Variants in BPTF observed in about 807,000 individuals in gnomAD.
The protein encoded by BPTF is nucleosome-remodeling factor subunit BPTF.
In BPTF, 18 loss-of-function variants were observed where a neutral mutation model predicts 292.5. The ratio of observed to expected loss-of-function variants is 0.06; its 90% CI spans 0.04 to 0.09. BPTF has a LOEUF of 0.09. BPTF is among the 10% of genes least tolerant of loss of function. The pLI, the probability that BPTF is intolerant of heterozygous loss-of-function variation, is 1.00. For synonymous variants in BPTF, 1,225 were observed against 1,251.9 expected (o/e 0.98, Z 0.45); for missense variants, 2,726 against 3,498.7 (o/e 0.78, Z 5.57).
chr17:67,843,094 A>C (rs8073510), intron 1 of BPTF, among the ~76,000 whole-genome samples: 1 of 150,424 alleles, frequency 6.6e-6, no homozygotes, highest in Non-Finnish European at 1.5e-5. Context: ...GTAGATACAT[A>C]TATCTATATA....
chr17:67,855,690 T>C (rs1329123350), intron 2 of BPTF, among the ~76,000 whole-genome samples: 2 of 152,184 alleles, frequency 1.3e-5, no homozygotes, highest in African/African-American at 2.4e-5. Context: ...ACTGAGTATC[T>C]GACATCCTGT....
At chr17:67,886,294 T>A in intron 4 of BPTF, 1 of 1,612,874 alleles carries the variant, frequency 6.2e-7, no homozygotes, top group Non-Finnish European at 8.5e-7. Flanking sequence ...CTCATACACC[T>A]GTCTCTATTC....
At chr17:67,942,420 A>G (rs1555672390) in intron 19 of BPTF, among the ~76,000 whole-genome samples, 2 of 152,260 alleles carry the variant, frequency 1.3e-5, no homozygotes, top group Non-Finnish European at 2.9e-5. Flanking sequence ...TGAGAGAAGT[A>G]CATATTAAAA....
chr17:67,867,148 G>C (rs754562454), intron 3 of BPTF, among the ~76,000 whole-genome samples: 18 of 152,264 alleles, frequency 1.2e-4, no homozygotes, highest in Non-Finnish European at 2.6e-4. Flanking sequence ...TTTCCCAAGA[G>C]AACCTTGTTC....
At chr17:67,934,543 A>G (rs567370452) in intron 18 of BPTF, among the ~76,000 whole-genome samples, 2 of 151,790 alleles carry the variant, frequency 1.3e-5, no homozygotes, top group Admixed American at 1.3e-4. Context: ...AAAGAAAAAG[A>G]TATTAGATAT....
chr17:67,936,995 T>C (rs1472439171), intron 18 of BPTF, among the ~76,000 whole-genome samples: 3 of 152,152 alleles, frequency 2.0e-5, no homozygotes, highest in Admixed American at 2.0e-4. Context: ...CAGATGCTGT[T>C]CCAGGCCCAA....
chr17:67,962,186 A>G (rs1397726978), intron 24 of BPTF, among the ~76,000 whole-genome samples: 2 of 152,164 alleles, frequency 1.3e-5, no homozygotes, highest in Non-Finnish European at 2.9e-5. Context: ...ACATAACCAT[A>G]TATTATTCCT....
chr17:67,949,839 C>T (rs767578126), intron 23 of BPTF, among the ~76,000 whole-genome samples: 8 of 150,476 alleles, frequency 5.3e-5, no homozygotes, highest in Non-Finnish European at 1.0e-4. Context: ...AGGTGGATCA[C>T]CTGAGGTCAG....
intron 27 of BPTF, chr17:67,981,581 G>C: frequency 6.6e-6 from 7 of 1,056,778 alleles, no homozygotes; most frequent in African/African-American, 3.4e-5. Context: ...TAATGTTAAA[G>C]ATGTATCGTG....
chr17:67,893,537 C>G lies in BPTF; in HGVS notation c.2223C>G (p.His741Gln), dbSNP rs752703236. ...TNSFALNKHQHREDHDKRRHL... is the reference protein window; with the variant it reads ...TNSFALNKHQQREDHDKRRHL... ...CATTTGCTTTGAATAAGCACCAGCA[C>G]AGAGAAGACCATGATAAGAGAAGGC... is the stretch of plus-strand genomic sequence containing the variant. The change falls in exon 6 of 28, where the codon CAC becomes CAG. Residue 741 changes from histidine (H) to glutamine (Q), a missense_variant. Physicochemically the swap from His to Gln is conservative, Grantham distance 24 (BLOSUM62 0). Around this residue, in one of 22 missense-constraint regions of BPTF, gnomAD observed 99 missense variants for 227.1 expected, o/e 0.44. Transcript: ENST00000306378. The G allele has an allele frequency of 2.5e-6, 4 of 1,614,000 alleles. No homozygotes were observed. In the East Asian group the frequency reaches 8.9e-5, roughly 36 times the overall value.
In BPTF at chr17:67,894,128, A is replaced by G; in HGVS notation, c.2506A>G (p.Met836Val). Residue 836 changes from methionine to valine, a missense_variant, in exon 7 of 28, where the codon ATG (methionine) becomes GTG (valine). Coordinates refer to ENST00000306378, the MANE Select transcript of BPTF (RefSeq NM_182641.4). The part of the protein sequence containing the change: ...ILECAVKPVV[M>V]LPIWRESLGH... ...GGAGTGTGCAGTTAAACCAGTTGTG[A>G]TGCTACCAATATGGCGAGAATCTTT... The G allele has an allele frequency of 6.2e-7, 1 of 1,614,152 alleles. No individual in the cohort carries two copies. Among genetic ancestry groups the G allele is most frequent in the Non-Finnish European group, 8.5e-7 (1 of 1,179,980 alleles).
intron 11 of BPTF, among the ~76,000 whole-genome samples, chr17:67,916,225 A>G (rs2062977445): frequency 6.6e-6 from 1 of 152,164 alleles, no homozygotes; most frequent in African/African-American, 2.4e-5. Flanking sequence ...TGGATATGGG[A>G]AGTTAAGAAG....
At chr17:67,856,163 C>A (rs1401013085) in intron 2 of BPTF, among the ~76,000 whole-genome samples, 3 of 152,106 alleles carry the variant, frequency 2.0e-5, no homozygotes, top group African/African-American at 4.8e-5. Flanking sequence ...CAGTTTTCCT[C>A]TTTGTCTCTT....
intron 4 of BPTF, among the ~76,000 whole-genome samples, chr17:67,879,071 A>G (rs371346557): frequency 7.6e-6 from 1 of 132,350 alleles, no homozygotes; most frequent in East Asian, 2.8e-4. Context: ...AGTATCAGGA[A>G]TATTTTGGCC....
intron 27 of BPTF, among the ~76,000 whole-genome samples, chr17:67,978,512 C>T: frequency 6.6e-6 from 1 of 150,786 alleles, no homozygotes. Context: ...TTGACCAAGC[C>T]GGTCTCAAAC....
rs6504552 is a variant in BPTF, at chr17:67,910,809, A to T, written c.2993-68A>T. 0.033 allele frequency: 34,043 copies of T among 1,036,896 alleles called. 4,103 individuals are homozygous for T. In the African/African-American group the frequency reaches 0.42, roughly 13 times the overall value. The allele number at this position is 1,036,896 out of a possible 1,614,324, so 64.2% of individuals were successfully genotyped here. The stretch of plus-strand genomic sequence containing the variant: ...AGTGAGACTCCATCTCAAAAAAAAA[A>T]ATATATATATATAAATTCCTCCTTT... On this transcript the variant is annotated intron_variant, in intron 10 of 27. Transcript: ENST00000306378.
In BPTF at chr17:67,940,532, A is replaced by G; in HGVS notation, c.6353A>G (p.Gln2118Arg). The change falls in exon 19 of 28, where the codon CAG becomes CGG. Residue 2118 changes from glutamine (Q) to arginine (R), a missense_variant. Gln to Arg is a conservative substitution (Grantham distance 43). This residue lies in a region of BPTF where 570 missense variants were observed against 633.5 expected (regional missense o/e 0.90). Transcript: ENST00000306378. ...APNTVSSTPG[Q>R]KSLTSATSTS... is the part of the protein sequence containing the mutation. ...AACACGGTTTCCTCAACACCTGGGC[A>G]GAAAAGCTTAACTTCAGCAACGTCC... is the stretch of plus-strand genomic sequence containing the variant. 6.2e-7 allele frequency: 1 copy of G among 1,614,136 alleles called. No individual in the cohort carries two copies.
At chr17:67,926,198 G>C (rs558344641) in intron 15 of BPTF, among the ~76,000 whole-genome samples, 1 of 150,688 alleles carries the variant, frequency 6.6e-6, no homozygotes, top group Admixed American at 6.6e-5. Flanking sequence ...TGTAGAGATA[G>C]GACTTTTGCC....
intron 7 of BPTF, among the ~76,000 whole-genome samples, chr17:67,898,771 T>C (rs1198169364): frequency 6.6e-6 from 1 of 151,326 alleles, no homozygotes; most frequent in Admixed American, 6.6e-5. Context: ...ATACCCACTA[T>C]TGGCCAGGTG....
Sources: gnomAD v4.1 joint callset for allele counts (sites outside exome capture counted in the v4.1 genomes callset) on GRCh38, gnomAD v4.1.1 for gene constraint, gnomAD v4.1.1 regional missense constraint, MANE v1.5 for transcripts, NCBI Gene and HGNC (gene_info 2026-07-23, HGNC 2026-07-21) for gene names.